Variants in AKAP17A observed in about 807,000 individuals in gnomAD.
AKAP17A encodes the protein A-kinase anchor protein 17A.
AKAP17A carries 15 observed loss-of-function variants against 52.2 expected under a neutral mutation model. The observed-to-expected ratio is 0.29, with a 90% CI of 0.19 to 0.44. AKAP17A has a LOEUF of 0.44. Among genes scored for constraint, AKAP17A ranks in the 20% least tolerant of loss-of-function variants. AKAP17A has a pLI of 1.00. For missense variants in AKAP17A, 1,060 were observed against 1,007.0 expected (o/e 1.05, Z -0.71); for synonymous variants, 514 against 424.7 (o/e 1.21, Z -2.58).
At chrX:1,595,321 G>A (rs1316351983) in intron 2 of AKAP17A, 63 bp from the exon 3 acceptor site, 109 of 1,604,814 alleles carry the variant, frequency 6.8e-5, no homozygotes, top group Non-Finnish European at 8.9e-5. Context: ...AGGAGAGGGC[G>A]CCTGGCCGTG....
chrX:1,601,169 C>G lies in AKAP17A; in HGVS notation c.1663C>G (p.Gln555Glu), dbSNP rs1433944238. The G allele has an allele frequency of 2.5e-6, 4 of 1,613,972 alleles. No individual in the cohort carries two copies. The highest frequency in any genetic ancestry group is 1.7e-5 in the Admixed American group (1 of 60,022). ...CCTCTCCTGCATTCCTGACAACAAC[C>G]AACAGCCCAAGGGCATCCCTGCCTG... ...GVLSCIPDNN[Q>E]QPKGIPACEQ... Residue 555 changes from glutamine (Q) to glutamate (E), a missense_variant, in exon 5 of 5, where the codon CAA becomes GAA. Physicochemically the swap from Gln to Glu is conservative, Grantham distance 29. Coordinates refer to ENST00000313871, the MANE Select transcript of AKAP17A (RefSeq NM_005088.3).
rs767412984 is a variant in AKAP17A at position 1,600,871 on chromosome X, G to C, written c.1365G>C (p.Glu455Asp). 5 of 1,587,040 alleles carry C rather than the reference G, an allele frequency of 3.2e-6. No homozygotes were observed. The highest frequency in any genetic ancestry group is 4.3e-6 in the Non-Finnish European group (5 of 1,170,934). The change falls in exon 5 of 5, where the codon GAG becomes GAC. Residue 455 changes from glutamate to aspartate, a missense_variant. This residue lies in a region of AKAP17A where 793 missense variants were observed against 629.9 expected (regional missense o/e 1.26). Transcript: ENST00000313871. ...KKPDDSHTHDELGVAHADLLQ... is the reference protein window; with the variant it reads ...KKPDDSHTHDDLGVAHADLLQ... The stretch of plus-strand genomic sequence containing the variant: ...CGGACGACAGCCACACACACGACGA[G>C]CTGGGCGTGGCACACGCCGACCTGC...
rs369847649 is a variant in AKAP17A, at chrX:1,592,004, G to A, written c.-20+235G>A. ...GGGGTCCGGGGGTCCCTGGAAGTAGGGGTAGGGGCTGGAGCGGTTCCTGGG... is the reference window on the plus strand; with the variant it reads ...GGGGTCCGGGGGTCCCTGGAAGTAGAGGTAGGGGCTGGAGCGGTTCCTGGG... On this transcript the variant is annotated intron_variant, in intron 1 of 4. Coordinates refer to ENST00000313871, the MANE Select transcript of AKAP17A (RefSeq NM_005088.3). Among the ~76,000 whole-genome samples, 1,286 of 151,162 alleles carry A rather than the reference G, an allele frequency of 8.5e-3. 17 individuals are homozygous for A. The highest frequency in any genetic ancestry group is 0.029 in the African/African-American group (1,172 of 40,918).
chrX:1,595,488 G>A lies in AKAP17A; in HGVS notation c.867G>A (p.Lys289=), dbSNP rs370627906. 33 of 1,613,894 alleles carry A rather than the reference G, an allele frequency of 2.0e-5. No homozygotes were observed. In the African/African-American group the frequency reaches 4.1e-4, roughly 20 times the overall value. The part of the protein sequence containing the change: ...QELEQQREEQ[K]RREKEAEERQ... The stretch of plus-strand genomic sequence containing the variant: ...TGGAGCAGCAAAGAGAAGAACAAAA[G>A]CGCAGAGAGAAGGAAGCGGAGGAGA... The change falls in exon 3 of 5, where the codon AAG becomes AAA. Residue 289 remains lysine, a synonymous_variant. Coordinates refer to ENST00000313871, the MANE Select transcript of AKAP17A (RefSeq NM_005088.3).
Position 1,601,960 on chromosome X carries a change from T to G in AKAP17A, c.*366T>G. ...TTCTGTGTCTGCTTGGCGACCTCCCTGCGTGCACGGCCTAGGAGGTGCACG... is the reference window on the plus strand; with the variant it reads ...TTCTGTGTCTGCTTGGCGACCTCCCGGCGTGCACGGCCTAGGAGGTGCACG... On this transcript the variant is annotated 3_prime_UTR_variant, in exon 5 of 5. Transcript: ENST00000313871. 4.3e-6 allele frequency: 1 copy of G among 232,542 alleles called. No homozygotes were observed. The allele number at this position is 232,542 out of a possible 1,614,324, so 14.4% of individuals were successfully genotyped here. A position where few individuals can be genotyped will look rare whatever the true frequency, so the allele number is the denominator to read the frequency against.
intron 1 of AKAP17A, among the ~76,000 whole-genome samples, chrX:1,592,167 G>A (rs1461207826): frequency 6.6e-6 from 1 of 151,902 alleles, no homozygotes; most frequent in Non-Finnish European, 1.5e-5. Context: ...TGGGAAGCAA[G>A]GGGCTGTCCG....
At chrX:1,591,898 TGGG>T (rs1246725785) in intron 1 of AKAP17A, 129 bp downstream of exon 1, 1 of 7,264 alleles carries the variant, frequency 1.4e-4, no homozygotes, top group African/African-American at 5.9e-4. Flanking sequence ...GGGCTGGGGT[TGGG>T]GGGCGTGGGG....
At chrX:1,591,950 G>C (rs7891194) in intron 1 of AKAP17A, among the ~76,000 whole-genome samples, 181 bp downstream of exon 1, 12,886 of 143,340 alleles carry the variant, frequency 0.09, 1,476 homozygotes, top group African/African-American at 0.26. Context: ...ACTGTACGGG[G>C]GAATCGGGGG....
In AKAP17A at chrX:1,593,945, G is replaced by A; in HGVS notation, c.483G>A (p.Leu161=). The part of the protein sequence containing the change: ...LEGLPCKWFA[L]KESGSEKPSE... Reference sequence around the variant, plus strand: ...GGCTGCCCTGCAAGTGGTTCGCCCTGAAGGAGTCGGGCTCCGAGAAGCCCA... The same window carrying A: ...GGCTGCCCTGCAAGTGGTTCGCCCTAAAGGAGTCGGGCTCCGAGAAGCCCA... Residue 161 remains leucine (L), a synonymous_variant, in exon 2 of 5, where the codon CTG becomes CTA. Coordinates refer to ENST00000313871, the MANE Select transcript of AKAP17A (RefSeq NM_005088.3). 1 of 1,607,708 alleles carries A rather than the reference G, an allele frequency of 6.2e-7. No homozygotes were observed. The highest frequency in any genetic ancestry group is 8.5e-7 in the Non-Finnish European group (1 of 1,176,226).
At position 1,599,539 on chromosome X, in the gene AKAP17A, C is replaced by T. The variant is rs1250017384; in HGVS notation, c.1152+107C>T. The T allele has an allele frequency of 4.7e-6, 7 of 1,481,928 alleles. No individual in the cohort carries two copies. In the Middle Eastern group the frequency reaches 6.9e-4, roughly 145 times the overall value. 91.8% of individuals were successfully genotyped at this position (1,481,928 alleles called of 1,614,324 possible). A position where few individuals can be genotyped will look rare whatever the true frequency, so the allele number is the denominator to read the frequency against. On this transcript the variant is annotated intron_variant, in intron 4 of 4. Transcript: ENST00000313871. Reference sequence around the variant, plus strand: ...GGCGCCGTTTCCCCGCCGGCTGCAGCTGTAGCTACGAAACCAGCTTTAATG... The same window carrying T: ...GGCGCCGTTTCCCCGCCGGCTGCAGTTGTAGCTACGAAACCAGCTTTAATG...
rs375654819 is a variant in AKAP17A at position 1,601,207 on chromosome X, C to T, written c.1701C>T (p.Val567=). 19 of 1,613,944 alleles carry T rather than the reference C, an allele frequency of 1.2e-5. No homozygotes were observed. Among genetic ancestry groups the T allele is most frequent in the Non-Finnish European group, 1.5e-5 (18 of 1,179,820 alleles). Residue 567 remains valine (V), a synonymous_variant, in exon 5 of 5, where the codon GTC becomes GTT. Coordinates refer to ENST00000313871, the MANE Select transcript of AKAP17A (RefSeq NM_005088.3). Reference sequence around the variant, plus strand: ...GCATCCCTGCCTGCGAGCAGAATGTCTCCAGAAAGGACACCCGGTCAGAAC... The same window carrying T: ...GCATCCCTGCCTGCGAGCAGAATGTTTCCAGAAAGGACACCCGGTCAGAAC... ...PKGIPACEQN[V]SRKDTRSEQD...
chrX:1,600,625 A>G (rs1227792646), intron 4 of AKAP17A, 34 bp from the exon 5 acceptor site: 2 of 1,496,312 alleles, frequency 1.3e-6, no homozygotes, highest in Admixed American at 4.2e-5. Flanking sequence ...AGGCTCAGGA[A>G]CCGGGCTCAG....
chrX:1,596,453 C>A (rs1191570948), intron 3 of AKAP17A, among the ~76,000 whole-genome samples: 6 of 103,924 alleles, frequency 5.8e-5, no homozygotes, highest in Middle Eastern at 6.0e-3. Flanking sequence ...CTCCTCCATC[C>A]CTCCCACCCT....
chrX:1,593,514 C>T lies in AKAP17A; in HGVS notation c.52C>T (p.Pro18Ser), dbSNP rs1157239166. Residue 18 changes from proline (P) to serine (S), a missense_variant, in exon 2 of 5, where the codon CCT (proline) becomes TCT (serine). Pro to Ser is a moderately conservative substitution (Grantham distance 74). Around this residue, in one of 2 missense-constraint regions of AKAP17A, gnomAD observed 267 missense variants for 377.1 expected, o/e 0.71. Transcript: ENST00000313871. ...HDTSEAVELC[P>S]AYGLYLKPIT... ...CACGTCTGAGGCCGTGGAGCTCTGCCCTGCTTACGGCTTGTACCTGAAGCC... is the reference window on the plus strand; with the variant it reads ...CACGTCTGAGGCCGTGGAGCTCTGCTCTGCTTACGGCTTGTACCTGAAGCC... The T allele has an allele frequency of 1.2e-6, 2 of 1,613,686 alleles. No homozygotes were observed. Among genetic ancestry groups the T allele is most frequent in the Admixed American group, 1.7e-5 (1 of 59,990 alleles).
chrX:1,599,526 C>T (rs1421446973), intron 4 of AKAP17A, 94 bp downstream of exon 4: 2 of 1,518,398 alleles, frequency 1.3e-6, no homozygotes, highest in African/African-American at 1.4e-5. Flanking sequence ...CGCCGTTTCC[C>T]CGCCGGCTGC....
rs774253177 is a variant in AKAP17A, at chrX:1,601,533, G to A, written c.2027G>A (p.Arg676His). The change falls in exon 5 of 5, where the codon CGC (arginine) becomes CAC (histidine). Residue 676 changes from arginine (R) to histidine (H), a missense_variant. Physicochemically the swap from Arg to His is conservative, Grantham distance 29. This residue lies in a region of AKAP17A where 793 missense variants were observed against 629.9 expected (regional missense o/e 1.26). Transcript: ENST00000313871. ...SASRKHSRHR[R>H]RSERSRSRSP... ...AGCAGGAAGCACAGCCGCCACCGCC[G>A]CCGAAGCGAGCGGTCGCGCTCCCGG... 2.2e-5 allele frequency: 32 copies of A among 1,484,594 alleles called. No homozygotes were observed. The highest frequency in any genetic ancestry group is 4.7e-5 in the East Asian group (2 of 42,428). The allele number at this position is 1,484,594 out of a possible 1,614,324, so 92.0% of individuals were successfully genotyped here. A position where few individuals can be genotyped will look rare whatever the true frequency, so the allele number is the denominator to read the frequency against.
Position 1,595,500 on chromosome X carries a change from G to C in AKAP17A, c.879G>C (p.Lys293Asn), listed in dbSNP as rs767797967. 1 of 1,613,878 alleles carries C rather than the reference G, an allele frequency of 6.2e-7. No individual in the cohort carries two copies. ...GAGAAGAACAAAAGCGCAGAGAGAA[G>C]GAAGCGGAGGAGAGGCAGCGAGCGG... ...QQREEQKRRE[K>N]EAEERQRAEE... Residue 293 changes from lysine to asparagine, a missense_variant, in exon 3 of 5, where the codon AAG (lysine) becomes AAC (asparagine). Physicochemically the swap from Lys to Asn is moderately conservative, Grantham distance 94. Transcript: ENST00000313871.
intron 1 of AKAP17A, 22 bp from the exon 2 acceptor site, chrX:1,593,422 C>T (rs760463842): frequency 3.8e-6 from 6 of 1,581,494 alleles, no homozygotes; most frequent in Non-Finnish European, 5.2e-6. Context: ...CTGGTGCTGA[C>T]TGTCTGCGTC....
chrX:1,598,092 C>G lies in AKAP17A; in HGVS notation c.912-1100C>G, dbSNP rs191509157. Among the ~76,000 whole-genome samples, 414 of 152,324 alleles carry G rather than the reference C, an allele frequency of 2.7e-3. 12 individuals carry two copies. The highest frequency in any genetic ancestry group is 0.021 in the Admixed American group (324 of 15,306). The stretch of plus-strand genomic sequence containing the variant: ...TAACTTTGAGCTTGATGAGAGCTGT[C>G]CTCTGAAAGCTGCCCAGCCTCGAGG... On this transcript the variant is annotated intron_variant, in intron 3 of 4. Transcript: ENST00000313871.
Sources: allele counts gnomAD v4.1 joint callset (sites outside exome capture counted in the v4.1 genomes callset), GRCh38; gene constraint gnomAD v4.1.1; regional missense constraint gnomAD v4.1.1; transcripts MANE v1.5; gene names NCBI Gene and HGNC (gene_info 2026-07-23, HGNC 2026-07-21).